LMNTD2: variants seen among roughly 807,000 people sequenced by gnomAD.
The protein encoded by LMNTD2 is lamin tail domain containing 2.
LMNTD2 carries 83 observed loss-of-function variants against 70.1 expected under a neutral mutation model. The ratio of observed to expected loss-of-function variants is 1.18; its 90% confidence interval spans 0.99 to 1.42. The LOEUF (loss-of-function observed/expected upper bound fraction) is 1.42, where lower values mean the gene tolerates loss of function less well. Among genes scored for constraint, LMNTD2 ranks in the 40% most tolerant of loss-of-function variants. The pLI is 0.00. For synonymous variants in LMNTD2, 534 were observed against 406.1 expected (o/e 1.31, Z -3.79); for missense variants, 1,153 against 905.9 (o/e 1.27, Z -3.50).
Position 556,925 on chromosome 11 carries a change from C to CGAAG in LMNTD2, c.882_885dup (p.Val296LeufsTer169). On this transcript the variant is annotated frameshift_variant, in exon 8 of 14. Transcript: ENST00000329451. LOFTEE classifies it high-confidence loss of function. Reference sequence around the variant, plus strand: ...CGGGGCGGGTGCCCTATCACCTGCACGAAGGAAGGCAGGCCCGGCCGGCAG... The same window carrying CGAAG: ...CGGGGCGGGTGCCCTATCACCTGCACGAAGGAAGGAAGGCAGGCCCGGCCGGCAG... The CGAAG allele has an allele frequency of 6.3e-7, 1 of 1,598,680 alleles. No homozygotes were observed. The highest frequency in any genetic ancestry group is 8.5e-7 in the Non-Finnish European group (1 of 1,176,474).
At position 557,438 on chromosome 11, in the gene LMNTD2, G is replaced by T; in HGVS notation, c.674C>A (p.Pro225His). 6.2e-7 allele frequency: 1 copy of T among 1,610,152 alleles called. No homozygotes were observed. Among genetic ancestry groups the T allele is most frequent in the Non-Finnish European group, 8.5e-7 (1 of 1,178,240 alleles). ...VDWNSVARRY[P>H]NLFTNMEPSS... The stretch of plus-strand genomic sequence containing the variant: ...GGGCTCCATGTTGGTGAAGAGGTTG[G>T]GATACCGGCGGGCAACGCTGTTCCA... Residue 225 changes from proline (P) to histidine (H), a missense_variant, in exon 7 of 14, where the codon CCC (proline) becomes CAC (histidine). Transcript: ENST00000329451.
chr11:555,156 C>CGGGAGGGGAGGGGAG, intron 13 of LMNTD2, 45 bp from the exon 14 acceptor site: 1 of 159,980 alleles, frequency 6.3e-6, no homozygotes, highest in Non-Finnish European at 9.9e-6. Flanking sequence ...GGGGCGGGGA[C>CGGGAGGGGAGGGGAG]GGGAGGGGAG....
At chr11:559,296 C>T in intron 1 of LMNTD2, 2 of 1,434,724 alleles carry the variant, frequency 1.4e-6, no homozygotes, top group Non-Finnish European at 1.9e-6. Flanking sequence ...TGTGGTGTCC[C>T]TCTTTCTCTC....
intron 7 of LMNTD2, 30 bp downstream of exon 7, chr11:557,369 C>G: frequency 6.4e-7 from 1 of 1,566,740 alleles, no homozygotes; most frequent in African/African-American, 1.4e-5. Context: ...CCCTTCTGGC[C>G]CCTGGGGAGT....
intron 3 of LMNTD2, 140 bp from the exon 4 acceptor site, chr11:558,388 C>G (rs1336943889): frequency 9.0e-7 from 1 of 1,115,030 alleles, no homozygotes; most frequent in Non-Finnish European, 1.2e-6. Context: ...CCCGCTGGGG[C>G]TGGCCAGCCT....
rs367796723 is a variant in LMNTD2, at chr11:557,075, G to C, written c.736C>G (p.Leu246Val). 6.2e-7 allele frequency: 1 copy of C among 1,602,826 alleles called. No homozygotes were observed. The highest frequency in any genetic ancestry group is 1.3e-5 in the African/African-American group (1 of 74,746). ...KQKQPRPWPQ[L>V]DTGSPESSGK... ...GAGGACTCTGGGCTCCCTGTGTCCA[G>C]CTGTGGCCAGGGCCGGGGCTGCCTG... Residue 246 changes from leucine (L) to valine (V), a missense_variant, in exon 8 of 14, where the codon CTG becomes GTG. By Grantham distance (32) the Leu-to-Val change is conservative (BLOSUM62 1). Transcript: ENST00000329451.
intron 13 of LMNTD2, 74 bp downstream of exon 13, chr11:555,231 G>C: frequency 9.4e-7 from 1 of 1,066,844 alleles, no homozygotes; most frequent in Non-Finnish European, 1.2e-6. Context: ...AGACAGAGGG[G>C]AGGGAGGGGC....
chr11:555,949 A>C lies in LMNTD2; in HGVS notation c.1378-19T>G. On this transcript the variant is annotated intron_variant, in intron 11 of 13. Coordinates refer to ENST00000329451, the MANE Select transcript of LMNTD2 (RefSeq NM_173573.3). Reference sequence around the variant, plus strand: ...TGAGGACCTGCGGGGCGCGTCGGTCACCCCCACACCCCAGCCCCGGCCGCC... The same window carrying C: ...TGAGGACCTGCGGGGCGCGTCGGTCCCCCCCACACCCCAGCCCCGGCCGCC... 1 of 1,544,066 alleles carries C rather than the reference A, an allele frequency of 6.5e-7. No individual in the cohort carries two copies. Among genetic ancestry groups the C allele is most frequent in the South Asian group, 1.2e-5 (1 of 85,358 alleles).
Position 558,173 on chromosome 11 carries a change from C to A in LMNTD2, c.387G>T (p.Glu129Asp), listed in dbSNP as rs111565913. ...GCCCCTGCCTCACCCACTGGGCTCG[C>A]TCCTTCTGTTCCTTCAACTCCTGGA... is the stretch of plus-strand genomic sequence containing the variant. ...KLIQELKEQK[E>D]RAQWEKEHLE... Residue 129 changes from glutamate (E) to aspartate (D), a missense_variant, in exon 4 of 14, where the codon GAG becomes GAT. Coordinates refer to ENST00000329451, the MANE Select transcript of LMNTD2 (RefSeq NM_173573.3). The A allele has an allele frequency of 6.8e-6, 11 of 1,613,400 alleles. No individual in the cohort carries two copies. In the African/African-American group the frequency reaches 1.2e-4, roughly 18 times the overall value.
rs755875504 is a variant in LMNTD2, at chr11:557,063, T to C, written c.748A>G (p.Ser250Gly). Reference sequence around the variant, plus strand: ...GAATGCTTTCCAGAGGACTCTGGGCTCCCTGTGTCCAGCTGTGGCCAGGGC... The same window carrying C: ...GAATGCTTTCCAGAGGACTCTGGGCCCCCTGTGTCCAGCTGTGGCCAGGGC... ...PRPWPQLDTGSPESSGKHSER... is the reference protein window; with the variant it reads ...PRPWPQLDTGGPESSGKHSER... The change falls in exon 8 of 14, where the codon AGC becomes GGC. Residue 250 changes from serine to glycine, a missense_variant. Transcript: ENST00000329451. 6 of 1,606,150 alleles carry C rather than the reference T, an allele frequency of 3.7e-6. No individual in the cohort carries two copies. The Admixed American group carries it at 1.0e-4, about 27-fold the overall frequency.
Position 555,361 on chromosome 11 carries a change from C to G in LMNTD2, c.1717G>C (p.Ala573Pro). 7.1e-7 allele frequency: 1 copy of G among 1,412,274 alleles called. No homozygotes were observed. The allele number at this position is 1,412,274 out of a possible 1,614,324, so 87.5% of individuals were successfully genotyped here. The change falls in exon 13 of 14, where the codon GCA becomes CCA. Residue 573 changes from alanine (A) to proline (P), a missense_variant. By Grantham distance (27) the Ala-to-Pro change is conservative (BLOSUM62 -1). Coordinates refer to ENST00000329451, the MANE Select transcript of LMNTD2 (RefSeq NM_173573.3). ...PGDPTLPSPPAEAGLGLEDCR... is the reference protein window; with the variant it reads ...PGDPTLPSPPPEAGLGLEDCR... ...TCCTCCAGGCCCAGCCCGGCCTCTG[C>G]GGGAGGCGACGGCAGGGTGGGGTCA...
intron 3 of LMNTD2, 105 bp downstream of exon 3, chr11:558,509 A>T: frequency 1.4e-6 from 2 of 1,383,084 alleles, no homozygotes; most frequent in Non-Finnish European, 1.9e-6. Context: ...GGCAAGGATG[A>T]GGGTAAGGAT....
Position 556,229 on chromosome 11 carries a change from G to A in LMNTD2, c.1220C>T (p.Pro407Leu). The change falls in exon 10 of 14, where the codon CCG becomes CTG. Residue 407 changes from proline to leucine, a missense_variant. By Grantham distance (98) the Pro-to-Leu change is moderately conservative (BLOSUM62 -3). Transcript: ENST00000329451. ...RGFPERLYRF[P>L]PGTLLAPRHH... ...CCGCGGGGCCAGCAGCGTGCCCGGC[G>A]GGAAGCGGTACAGGCGCTCCGGGAA... The A allele has an allele frequency of 2.7e-6, 4 of 1,497,160 alleles. No homozygotes were observed. The East Asian group carries it at 1.1e-4, about 42-fold the overall frequency. 92.7% of individuals were successfully genotyped at this position (1,497,160 alleles called of 1,614,324 possible).
In LMNTD2 at chr11:556,941, C is replaced by A. The variant is rs144777828; in HGVS notation, c.870G>T (p.Pro290=). Residue 290 remains proline, a synonymous_variant, in exon 8 of 14, where the codon CCG becomes CCT. Transcript: ENST00000329451. Reference sequence around the variant, plus strand: ...TCACCTGCACGAAGGAAGGCAGGCCCGGCCGGCAGCTGCTGGAGTCGGAGT... The same window carrying A: ...TCACCTGCACGAAGGAAGGCAGGCCAGGCCGGCAGCTGCTGGAGTCGGAGT... ...GADSDSSSCR[P]GLPSFVQVIG... 49 of 1,600,664 alleles carry A rather than the reference C, an allele frequency of 3.1e-5. No homozygotes were observed. The Middle Eastern group carries it at 1.7e-3, about 54-fold the overall frequency.
chr11:559,035 G>C (rs1358536786), intron 1 of LMNTD2, 56 bp from the exon 2 acceptor site: 3 of 1,582,026 alleles, frequency 1.9e-6, no homozygotes, highest in Non-Finnish European at 2.6e-6. Context: ...GGCCAGACTT[G>C]GGGGCCATTC....
chr11:556,637 A>C, intron 8 of LMNTD2, 49 bp from the exon 9 acceptor site: 2 of 1,442,642 alleles, frequency 1.4e-6, no homozygotes. Flanking sequence ...TGGAGTCCCC[A>C]CCGGATGTTC....
chr11:558,702 T>C lies in LMNTD2; in HGVS notation c.223A>G (p.Ile75Val). 1 of 1,606,106 alleles carries C rather than the reference T, an allele frequency of 6.2e-7. No individual in the cohort carries two copies. Among genetic ancestry groups the C allele is most frequent in the South Asian group, 1.1e-5 (1 of 89,950 alleles). The change falls in exon 3 of 14, where the codon ATC (isoleucine) becomes GTC (valine). Residue 75 changes from isoleucine to valine, a missense_variant. By Grantham distance (29) the Ile-to-Val change is conservative. Coordinates refer to ENST00000329451, the MANE Select transcript of LMNTD2 (RefSeq NM_173573.3). ...RLLWRQRELE[I>V]QALRWAIQNG... ...TGGATGGCCCACCGCAAGGCCTGGA[T>C]CTCCAGTTCTCGCTGTCTCCACAGC...
Position 556,815 on chromosome 11 carries a change from G to T in LMNTD2, c.976+20C>A. On this transcript the variant is annotated intron_variant, in intron 8 of 13. Coordinates refer to ENST00000329451, the MANE Select transcript of LMNTD2 (RefSeq NM_173573.3). ...GGAGGGTGGGTGAAGGGTAACCAGGGGAGACCCGCCCCACTGCACCTTCTG... is the reference window on the plus strand; with the variant it reads ...GGAGGGTGGGTGAAGGGTAACCAGGTGAGACCCGCCCCACTGCACCTTCTG... The T allele has an allele frequency of 6.5e-7, 1 of 1,539,306 alleles. No homozygotes were observed. The highest frequency in any genetic ancestry group is 8.8e-7 in the Non-Finnish European group (1 of 1,139,050).
rs1026747048 is a variant in LMNTD2 at position 560,492 on chromosome 11, G to C, written c.34+191C>G. 4 of 1,257,836 alleles carry C rather than the reference G, an allele frequency of 3.2e-6. No homozygotes were observed. In the African/African-American group the frequency reaches 6.2e-5, roughly 20 times the overall value. 77.9% of individuals were successfully genotyped at this position (1,257,836 alleles called of 1,614,324 possible). A position where few individuals can be genotyped will look rare whatever the true frequency, so the allele number is the denominator to read the frequency against. ...GACCCTGCGACCCCGCGACCCCTGC[G>C]CGTCCAGACTACTGCAGCTGCGGTA... On this transcript the variant is annotated intron_variant, in intron 1 of 13. Coordinates refer to ENST00000329451, the MANE Select transcript of LMNTD2 (RefSeq NM_173573.3).
Sources: allele counts gnomAD v4.1 joint callset, GRCh38; gene constraint gnomAD v4.1.1; transcripts MANE v1.5; gene names NCBI Gene and HGNC (gene_info 2026-07-23, HGNC 2026-07-21).